Variants in SLC14A2 observed in about 807,000 individuals in gnomAD.
The protein encoded by SLC14A2 is solute carrier family 14 member 2.
A neutral mutation model predicts 104.6 loss-of-function variants in SLC14A2; 91 were observed. The ratio of observed to expected loss-of-function variants is 0.87; its 90% CI spans 0.73 to 1.04. The LOEUF (loss-of-function observed/expected upper bound fraction) is 1.04. Among genes scored for constraint, SLC14A2 ranks in the 50% least tolerant of loss-of-function variants. The pLI, the probability that SLC14A2 is intolerant of heterozygous loss-of-function variation, is 0.00. For synonymous variants in SLC14A2, 476 were observed against 466.4 expected (o/e 1.02, Z -0.27); for missense variants, 1,189 against 1,156.0 (o/e 1.03, Z -0.41).
chr18:45,317,534 A>G (rs777274195), intron 1 of SLC14A2, among the ~76,000 whole-genome samples: 7 of 152,234 alleles, frequency 4.6e-5, no homozygotes, highest in African/African-American at 7.2e-5. Flanking sequence ...AGGTCAGAGA[A>G]GGCCTCCCTT....
chr18:45,373,810 T>G (rs961585507), intron 1 of SLC14A2, among the ~76,000 whole-genome samples: 4 of 152,120 alleles, frequency 2.6e-5, no homozygotes, highest in African/African-American at 9.7e-5. Context: ...ATGCTTCGGT[T>G]CTCCTAATAG....
chr18:45,467,019 C>T (rs1411034110), intron 1 of SLC14A2, among the ~76,000 whole-genome samples: 1 of 152,042 alleles, frequency 6.6e-6, no homozygotes, highest in Non-Finnish European at 1.5e-5. Context: ...GTGGGTGTGA[C>T]TTTTGGGGTA....
intron 1 of SLC14A2, among the ~76,000 whole-genome samples, chr18:45,376,633 G>C (rs1262501920): frequency 6.6e-6 from 1 of 152,274 alleles, no homozygotes; most frequent in South Asian, 2.1e-4. Flanking sequence ...AGAGAAAAGA[G>C]AGATCACTGC....
At chr18:45,321,102 C>A (rs1212138956) in intron 1 of SLC14A2, among the ~76,000 whole-genome samples, 1 of 152,170 alleles carries the variant, frequency 6.6e-6, no homozygotes, top group Non-Finnish European at 1.5e-5. Context: ...AGAAGTGGTT[C>A]TCACTATTTG....
At position 45,563,640 on chromosome 18, in the gene SLC14A2, TA is replaced by T. The variant is rs200534106; in HGVS notation, c.-34-60990del. Among the ~76,000 whole-genome samples, 1,179 of 152,362 alleles carry T rather than the reference TA, an allele frequency of 7.7e-3. 10 individuals carry two copies. Among genetic ancestry groups the T allele is most frequent in the African/African-American group, 0.027 (1,127 of 41,578 alleles). ...GACTATAATTTTTCAATATCATTTT[TA>T]TAGAGAGAATACAAAGATAATTCAG... On this transcript the variant is annotated intron_variant, in intron 2 of 20. Transcript: ENST00000586448.
intron 1 of SLC14A2, among the ~76,000 whole-genome samples, chr18:45,371,192 TA>T (rs1371924435): frequency 6.6e-6 from 1 of 152,176 alleles, no homozygotes; most frequent in Non-Finnish European, 1.5e-5. Flanking sequence ...CAGTTTCCAC[TA>T]AAAGGACCCA....
intron 1 of SLC14A2, among the ~76,000 whole-genome samples, chr18:45,214,283 G>A (rs542749833): frequency 6.6e-6 from 1 of 152,270 alleles, no homozygotes; most frequent in East Asian, 1.9e-4. Flanking sequence ...GGCAACAGTT[G>A]AATGCTCAAG....
At chr18:45,614,459 T>C (rs2045026283), upstream of SLC14A2, among the ~76,000 whole-genome samples, 1 of 151,944 alleles carries the variant, frequency 6.6e-6, no homozygotes, top group South Asian at 2.1e-4. Context: ...GAATGGTAAA[T>C]CCACTGTCAG....
At chr18:45,587,634 C>T (rs1048801700) in intron 2 of SLC14A2, among the ~76,000 whole-genome samples, 3 of 152,232 alleles carry the variant, frequency 2.0e-5, no homozygotes, top group South Asian at 2.1e-4. Flanking sequence ...AAAACCTGCC[C>T]TTATGAGGCT....
chr18:45,507,694 C>T (rs540614662), intron 2 of SLC14A2, among the ~76,000 whole-genome samples: 3 of 152,252 alleles, frequency 2.0e-5, no homozygotes, highest in East Asian at 3.9e-4. Context: ...CTTCTGCTGC[C>T]GTTTGGGGAG....
chr18:45,625,832 C>T lies in SLC14A2; in HGVS notation c.300C>T (p.Gly100=), dbSNP rs371087349. 18 of 1,503,364 alleles carry T rather than the reference C, an allele frequency of 1.2e-5. No homozygotes were observed. The highest frequency in any genetic ancestry group is 2.7e-5 in the South Asian group (2 of 73,096). The allele number at this position is 1,503,364 out of a possible 1,614,324, so 93.1% of individuals were successfully genotyped here. ...CCAAAGCAGTGGGCTACCTCACGGG[C>T]GACATGAAGGAGTACAGGATCTGGC... ...CLSKAVGYLT[G]DMKEYRIWLK... is the part of the protein sequence containing the mutation. The change falls in exon 3 of 20, where the codon GGC becomes GGT. Residue 100 remains glycine, a synonymous_variant. Coordinates refer to ENST00000255226, the MANE Select transcript of SLC14A2 (RefSeq NM_007163.4).
At chr18:45,381,267 G>C (rs1337173094) in intron 1 of SLC14A2, among the ~76,000 whole-genome samples, 1 of 152,228 alleles carries the variant, frequency 6.6e-6, no homozygotes, top group Non-Finnish European at 1.5e-5. Context: ...CAGTCTGATA[G>C]TGATGACTGG....
intron 1 of SLC14A2, among the ~76,000 whole-genome samples, chr18:45,240,223 A>T (rs1023245829): frequency 2.5e-4 from 37 of 149,316 alleles, no homozygotes; most frequent in African/African-American, 9.2e-4. Flanking sequence ...CAGCGTCCCG[A>T]GTGGCTGGGA....
intron 2 of SLC14A2, among the ~76,000 whole-genome samples, chr18:45,505,227 C>A (rs2043263633): frequency 6.6e-6 from 1 of 152,020 alleles, no homozygotes; most frequent in Non-Finnish European, 1.5e-5. Flanking sequence ...GTCTTACATG[C>A]CTCACCACCA....
At chr18:45,425,963 T>C (rs1199505513) in intron 1 of SLC14A2, among the ~76,000 whole-genome samples, 1 of 151,254 alleles carries the variant, frequency 6.6e-6, no homozygotes, top group Non-Finnish European at 1.5e-5. Context: ...TTACCTGGGA[T>C]ACTCTCTGGA....
At position 45,678,954 on chromosome 18, in the gene SLC14A2, CTTTTTTTTT is replaced by C; in HGVS notation, c.2513-13_2513-5del. On this transcript the variant is annotated splice_polypyrimidine_tract_variant and intron_variant, in intron 18 of 19. Transcript: ENST00000255226. ...TAAATAGTTACTGGTCTATTTCTTT[CTTTTTTTTT>C]TTTTTTTCTAGCACTGTTTGCTGCC... is the stretch of plus-strand genomic sequence containing the variant. 7.0e-7 allele frequency: 1 copy of C among 1,435,944 alleles called. No homozygotes were observed. The highest frequency in any genetic ancestry group is 1.3e-5 in the South Asian group (1 of 76,896). 89.0% of individuals were successfully genotyped at this position (1,435,944 alleles called of 1,614,324 possible).
intron 2 of SLC14A2, among the ~76,000 whole-genome samples, chr18:45,584,174 G>A (rs1386760395): frequency 1.3e-5 from 2 of 152,210 alleles, no homozygotes; most frequent in Non-Finnish European, 2.9e-5. Context: ...CACAGTGACA[G>A]AATAACCTGG....
intron 1 of SLC14A2, among the ~76,000 whole-genome samples, chr18:45,369,652 G>A (rs971719010): frequency 1.3e-5 from 2 of 152,248 alleles, no homozygotes; most frequent in East Asian, 3.9e-4. Context: ...TGTGAGAAAG[G>A]TGTATTTGCT....
At chr18:45,641,396 C>A in intron 8 of SLC14A2, 53 bp downstream of exon 8, 2 of 1,603,104 alleles carry the variant, frequency 1.2e-6, no homozygotes, top group Non-Finnish European at 8.5e-7. Flanking sequence ...TCCTTCCCCC[C>A]TTGTTTATGT....
Sources: allele counts gnomAD v4.1 joint callset (sites outside exome capture counted in the v4.1 genomes callset), GRCh38; gene constraint gnomAD v4.1.1; transcripts MANE v1.5; gene names NCBI Gene and HGNC (gene_info 2026-07-23, HGNC 2026-07-21).